ARL15: variants seen among roughly 807,000 people sequenced by gnomAD.
ARL15 encodes the protein ARF like GTPase 15, also known as ADP-ribosylation factor-like protein 15.
ARL15 carries 19 observed loss-of-function variants against 25.2 expected under a neutral mutation model. The ratio of observed to expected loss-of-function variants is 0.75; its 90% CI spans 0.53 to 1.10. The LOEUF is 1.10. Ranked by LOEUF, ARL15 falls within the 50% of genes least tolerant of loss-of-function variation. ARL15 has a pLI of 0.00. For synonymous variants in ARL15, 94 were observed against 86.8 expected (o/e 1.08, Z -0.46); for missense variants, 220 against 246.0 (o/e 0.89, Z 0.71).
In ARL15 at chr5:54,274,818, C is replaced by T. The variant is rs143016193; in HGVS notation, c.48+35614G>A. On this transcript the variant is annotated intron_variant, in intron 1 of 4. Transcript: ENST00000504924. ...CTGAGGCAAGAGAACTGCTTGAACC[C>T]GGGAGGCAGGGGTTGCAGTGAGCCC... Among the ~76,000 whole-genome samples, 145 of 152,146 alleles carry T rather than the reference C, an allele frequency of 9.5e-4. 4 individuals carry two copies. The East Asian group carries it at 0.023, about 24-fold the overall frequency.
At chr5:54,128,736 C>T (rs1196304800) in intron 3 of ARL15, among the ~76,000 whole-genome samples, 5 of 136,486 alleles carry the variant, frequency 3.7e-5, no homozygotes, top group African/African-American at 1.3e-4. Context: ...GATGGAGTCT[C>T]GCTCTGTCGC....
chr5:53,966,595 C>G (rs1309769802), intron 4 of ARL15, among the ~76,000 whole-genome samples: 1 of 152,130 alleles, frequency 6.6e-6, no homozygotes, highest in Admixed American at 6.5e-5. Context: ...CTCACACTAT[C>G]TCCAGGTAGA....
At chr5:54,027,939 C>A (rs924773325) in intron 4 of ARL15, among the ~76,000 whole-genome samples, 1 of 150,838 alleles carries the variant, frequency 6.6e-6, no homozygotes, top group East Asian at 1.9e-4. Flanking sequence ...TTTTTTGAGA[C>A]GGAGTCTTGT....
At chr5:54,152,335 T>C (rs1754090782) in intron 3 of ARL15, among the ~76,000 whole-genome samples, 1 of 152,188 alleles carries the variant, frequency 6.6e-6, no homozygotes, top group Admixed American at 6.5e-5. Context: ...CTAGGAAAGC[T>C]ACACTTTATA....
chr5:54,098,488 G>C (rs570485513), intron 4 of ARL15, among the ~76,000 whole-genome samples: 3 of 152,108 alleles, frequency 2.0e-5, no homozygotes, highest in Non-Finnish European at 4.4e-5. Flanking sequence ...GGTTAGTCAA[G>C]TGGAACTGCC....
chr5:53,952,940 G>A (rs1036047062), intron 4 of ARL15, among the ~76,000 whole-genome samples: 6 of 152,194 alleles, frequency 3.9e-5, no homozygotes, highest in African/African-American at 1.4e-4. Flanking sequence ...GAAGAATGTT[G>A]TTGCTAGCAA....
intron 4 of ARL15, among the ~76,000 whole-genome samples, chr5:53,893,932 T>C (rs2111908925): frequency 6.6e-6 from 1 of 152,300 alleles, no homozygotes; most frequent in East Asian, 1.9e-4. Flanking sequence ...TTTGAAATCC[T>C]TAGAAAGGTA....
intron 4 of ARL15, among the ~76,000 whole-genome samples, chr5:53,915,982 C>G (rs1409488698): frequency 6.6e-6 from 1 of 152,166 alleles, no homozygotes; most frequent in Non-Finnish European, 1.5e-5. Flanking sequence ...TCATGGCTCA[C>G]TGCAGCCTTG....
chr5:54,284,660 T>C (rs918143657), intron 1 of ARL15, among the ~76,000 whole-genome samples: 3 of 152,252 alleles, frequency 2.0e-5, no homozygotes, highest in Non-Finnish European at 4.4e-5. Flanking sequence ...GTTGTTGGGA[T>C]TGCTAAAATT....
At chr5:54,281,375 G>A (rs898189649) in intron 1 of ARL15, among the ~76,000 whole-genome samples, 44 of 152,238 alleles carry the variant, frequency 2.9e-4, no homozygotes, top group Middle Eastern at 6.8e-3. Context: ...CCTGACCTCA[G>A]GTGATCTGCC....
chr5:54,162,537 T>C (rs1754437001), intron 2 of ARL15, among the ~76,000 whole-genome samples: 1 of 152,202 alleles, frequency 6.6e-6, no homozygotes, highest in Non-Finnish European at 1.5e-5. Context: ...CACTTGTTAA[T>C]AACATCCTAC....
intron 1 of ARL15, among the ~76,000 whole-genome samples, chr5:54,227,653 A>G (rs1207366999): frequency 6.6e-6 from 1 of 152,250 alleles, no homozygotes; most frequent in Admixed American, 6.5e-5. Flanking sequence ...TCAAAGTCAC[A>G]CAGGGCAGCT....
intron 1 of ARL15, among the ~76,000 whole-genome samples, chr5:54,236,181 C>T (rs1216935417): frequency 1.3e-5 from 2 of 152,170 alleles, no homozygotes; most frequent in Admixed American, 6.6e-5. Flanking sequence ...CTACTCCTTC[C>T]AACTGATAGT....
chr5:54,070,397 A>C (rs1438327780), intron 4 of ARL15, among the ~76,000 whole-genome samples: 1 of 151,914 alleles, frequency 6.6e-6, no homozygotes, highest in Admixed American at 6.6e-5. Flanking sequence ...GTCTCAAAAA[A>C]AAAAAAGTTG....
intron 4 of ARL15, among the ~76,000 whole-genome samples, chr5:54,010,847 A>C (rs1166720119): frequency 6.6e-6 from 1 of 152,000 alleles, no homozygotes; most frequent in Non-Finnish European, 1.5e-5. Context: ...AAAATACAAA[A>C]AATTAGCGGG....
At chr5:54,232,135 TA>T (rs1415390481) in intron 1 of ARL15, among the ~76,000 whole-genome samples, 1 of 152,192 alleles carries the variant, frequency 6.6e-6, no homozygotes, top group Non-Finnish European at 1.5e-5. Flanking sequence ...TCAGCCTCCA[TA>T]GTCTTAGTTC....
At chr5:54,168,755 A>C (rs1375354993) in intron 2 of ARL15, among the ~76,000 whole-genome samples, 1 of 152,164 alleles carries the variant, frequency 6.6e-6, no homozygotes, top group Admixed American at 6.5e-5. Flanking sequence ...CCCTACTCAA[A>C]TGTAACCTTA....
chr5:54,184,229 C>A (rs1755156056), intron 1 of ARL15, among the ~76,000 whole-genome samples: 2 of 124,766 alleles, frequency 1.6e-5, no homozygotes, highest in Admixed American at 8.9e-5. Context: ...TGCACATGTA[C>A]CCTAAAACTT....
At chr5:54,137,079 G>A (rs1753628859) in intron 3 of ARL15, among the ~76,000 whole-genome samples, 2 of 150,730 alleles carry the variant, frequency 1.3e-5, no homozygotes, top group Non-Finnish European at 2.9e-5. Flanking sequence ...GGCTCCCCTA[G>A]GTCAGCAAGG....
Sources: allele counts gnomAD v4.1 joint callset (sites outside exome capture counted in the v4.1 genomes callset), GRCh38; gene constraint gnomAD v4.1.1; transcripts MANE v1.5; gene names NCBI Gene and HGNC (gene_info 2026-07-23, HGNC 2026-07-21).